CMTM8: variants seen among roughly 807,000 people sequenced by gnomAD.
The protein encoded by CMTM8 is CKLF like MARVEL transmembrane domain containing 8.
A neutral mutation model predicts 18.6 loss-of-function variants in CMTM8; 12 were observed. That is an observed-to-expected ratio of 0.65 (90% CI 0.41 to 1.05). The LOEUF (loss-of-function observed/expected upper bound fraction) is 1.05. Among genes scored for constraint, CMTM8 ranks in the 50% least tolerant of loss-of-function variants. The pLI is 0.00. For missense variants in CMTM8, 217 were observed against 227.2 expected, an observed-to-expected ratio of 0.95 and a Z score of 0.29; for synonymous variants, 87 against 90.6, an observed-to-expected ratio of 0.96 and a Z score of 0.23.
chr3:32,291,754 C>T (rs182403731), intron 1 of CMTM8, among the ~76,000 whole-genome samples: 195 of 152,296 alleles, frequency 1.3e-3, no homozygotes, highest in African/African-American at 4.5e-3. Context: ...ACCTGAGATA[C>T]CCAGCACCTG....
At chr3:32,356,087 T>TACC (rs1351846976) in intron 1 of CMTM8, among the ~76,000 whole-genome samples, 18 of 152,358 alleles carry the variant, frequency 1.2e-4, no homozygotes, top group African/African-American at 4.3e-4. Flanking sequence ...ACAATTTGTA[T>TACC]ACCACTGTCC....
At chr3:32,279,370 T>C (rs1412736851) in intron 1 of CMTM8, among the ~76,000 whole-genome samples, 21 of 100,528 alleles carry the variant, frequency 2.1e-4, no homozygotes, top group African/African-American at 7.9e-4. Context: ...GATATTCCCC[T>C]TCCTGTGTCC....
intron 1 of CMTM8, among the ~76,000 whole-genome samples, chr3:32,265,128 G>T (rs147834664): frequency 6.6e-6 from 1 of 151,944 alleles, no homozygotes; most frequent in Admixed American, 6.6e-5. Flanking sequence ...AAAACTCTCC[G>T]CCCCAAATCA....
intron 1 of CMTM8, among the ~76,000 whole-genome samples, chr3:32,339,559 G>T (rs1696453430): frequency 6.6e-6 from 1 of 152,196 alleles, no homozygotes; most frequent in South Asian, 2.1e-4. Flanking sequence ...TTCTAGCCCA[G>T]AGGCCAAGTG....
At chr3:32,251,445 C>G (rs964907462) in intron 1 of CMTM8, among the ~76,000 whole-genome samples, 9 of 152,026 alleles carry the variant, frequency 5.9e-5, no homozygotes, top group African/African-American at 1.7e-4. Flanking sequence ...TCCCAAGTAA[C>G]TGGGACTACA....
At chr3:32,285,951 A>G (rs1489838380) in intron 1 of CMTM8, among the ~76,000 whole-genome samples, 1 of 152,232 alleles carries the variant, frequency 6.6e-6, no homozygotes, top group Non-Finnish European at 1.5e-5. Context: ...TTATGGACAC[A>G]GGTGACTTAA....
chr3:32,255,540 C>G (rs901063331), intron 1 of CMTM8, among the ~76,000 whole-genome samples: 2 of 152,032 alleles, frequency 1.3e-5, no homozygotes, highest in Non-Finnish European at 2.9e-5. Context: ...CACGTACTTT[C>G]TTGATTTTTC....
chr3:32,284,992 A>G (rs1422061428), intron 1 of CMTM8, among the ~76,000 whole-genome samples: 1 of 152,178 alleles, frequency 6.6e-6, no homozygotes, highest in Admixed American at 6.5e-5. Flanking sequence ...GCAGAGTCTG[A>G]GAGGCCCCAG....
Position 32,357,636 on chromosome 3 carries a change from C to A in CMTM8, c.321+90C>A, listed in dbSNP as rs560991700. On this transcript the variant is annotated intron_variant, in intron 2 of 3. Coordinates refer to ENST00000307526, the MANE Select transcript of CMTM8 (RefSeq NM_178868.5). The stretch of plus-strand genomic sequence containing the variant: ...TAGTCAATCCAAGACTGTCTCTCTG[C>A]CCAGAAAAGGTGGGGCCATACCATG... 5.3e-5 allele frequency: 70 copies of A among 1,326,616 alleles called. No homozygotes were observed. In the African/African-American group the frequency reaches 8.4e-4, roughly 16 times the overall value. 82.2% of individuals were successfully genotyped at this position (1,326,616 alleles called of 1,614,324 possible). A position where few individuals can be genotyped will look rare whatever the true frequency, so the allele number is the denominator to read the frequency against.
At chr3:32,355,949 C>T (rs1439841530) in intron 1 of CMTM8, among the ~76,000 whole-genome samples, 6 of 152,206 alleles carry the variant, frequency 3.9e-5, no homozygotes, top group Admixed American at 3.9e-4. Flanking sequence ...CTGTGCCTGC[C>T]AGCAAGGTCA....
At chr3:32,304,651 A>G (rs770421034) in intron 1 of CMTM8, among the ~76,000 whole-genome samples, 6 of 152,228 alleles carry the variant, frequency 3.9e-5, no homozygotes, top group Non-Finnish European at 5.9e-5. Context: ...GAAGGTCCAG[A>G]TGAGGTTATT....
At chr3:32,353,476 A>G (rs11129516) in intron 1 of CMTM8, among the ~76,000 whole-genome samples, 75,322 of 152,060 alleles carry the variant, frequency 0.5, 20,613 homozygotes, top group Non-Finnish European at 0.61. Flanking sequence ...ATTTCTATCA[A>G]TAGGGGATTG....
chr3:32,318,724 G>T (rs1297281566), intron 1 of CMTM8, among the ~76,000 whole-genome samples: 1 of 151,596 alleles, frequency 6.6e-6, no homozygotes, highest in South Asian at 2.1e-4. Context: ...CCGCCACCAC[G>T]CCTGGCTAAT....
At chr3:32,336,159 T>G (rs1696381072) in intron 1 of CMTM8, among the ~76,000 whole-genome samples, 1 of 152,252 alleles carries the variant, frequency 6.6e-6, no homozygotes, top group Non-Finnish European at 1.5e-5. Flanking sequence ...GTGTGACTTT[T>G]GATACATGCA....
chr3:32,295,099 G>C (rs1456384857), intron 1 of CMTM8, among the ~76,000 whole-genome samples: 2 of 152,002 alleles, frequency 1.3e-5, no homozygotes, highest in African/African-American at 4.8e-5. Flanking sequence ...TTTATAGGAA[G>C]TGAATGGTGA....
At chr3:32,301,374 A>G (rs1456042188) in intron 1 of CMTM8, among the ~76,000 whole-genome samples, 1 of 151,980 alleles carries the variant, frequency 6.6e-6, no homozygotes, top group Non-Finnish European at 1.5e-5. Flanking sequence ...ACAGCTGTAT[A>G]TATATATATA....
intron 3 of CMTM8, among the ~76,000 whole-genome samples, 158 bp downstream of exon 3, chr3:32,368,146 G>A (rs949386196): frequency 1.3e-5 from 2 of 152,216 alleles, no homozygotes; most frequent in African/African-American, 4.8e-5. Context: ...AACTGGCAGG[G>A]GGCAGAGGGC....
At chr3:32,273,103 G>T (rs1487737058) in intron 1 of CMTM8, among the ~76,000 whole-genome samples, 1 of 145,824 alleles carries the variant, frequency 6.9e-6, no homozygotes. Context: ...ACAAGTATTG[G>T]CAAGGGTGTG....
intron 1 of CMTM8, among the ~76,000 whole-genome samples, chr3:32,335,260 TGA>T (rs1696364094): frequency 6.6e-6 from 1 of 152,174 alleles, no homozygotes; most frequent in Non-Finnish European, 1.5e-5. Context: ...CTGGGAGAGC[TGA>T]GAGAGTATGA....
Sources: allele counts gnomAD v4.1 joint callset (sites outside exome capture counted in the v4.1 genomes callset), GRCh38; gene constraint gnomAD v4.1.1; transcripts MANE v1.5; gene names NCBI Gene and HGNC (gene_info 2026-07-23, HGNC 2026-07-21).